The following DLG2 variants were observed in gnomAD, a reference collection of about 807,000 sequenced individuals.
The protein encoded by DLG2 is discs large MAGUK scaffold protein 2, also known as disks large homolog 2.
DLG2 carries 45 observed loss-of-function variants against 132.5 expected under a neutral mutation model. That is an observed-to-expected ratio of 0.34 (90% CI 0.27 to 0.44). The LOEUF is 0.44. Ranked by LOEUF, DLG2 falls within the 20% of genes least tolerant of loss-of-function variation. The probability of loss-of-function intolerance (pLI) is 1.00; values close to 1 mark genes in which losing one functional copy is unlikely to be tolerated. For missense variants in DLG2, 1,045 were observed against 1,196.9 expected (o/e 0.87, Z 1.87); for synonymous variants, 424 against 419.6 (o/e 1.01, Z -0.13).
intron 19 of DLG2, among the ~76,000 whole-genome samples, chr11:83,554,267 C>T (rs140368095): frequency 4.6e-5 from 7 of 152,284 alleles, no homozygotes; most frequent in African/African-American, 1.7e-4. Context: ...TACATCCACT[C>T]ATTAATTTAC....
intron 6 of DLG2, among the ~76,000 whole-genome samples, chr11:84,995,659 G>C (rs1177458302): frequency 6.6e-6 from 1 of 152,034 alleles, no homozygotes; most frequent in Non-Finnish European, 1.5e-5. Context: ...ACATTTGAGA[G>C]ATTGTCTTAT....
intron 21 of DLG2, chr11:83,486,248 G>GTAAC: frequency 1.0e-5 from 7 of 683,488 alleles, no homozygotes; most frequent in Non-Finnish European, 1.6e-5. Context: ...TTAAACTCCA[G>GTAAC]TAACTGAAAA....
chr11:84,936,617 A>G lies in DLG2; in HGVS notation c.357+175044T>C, dbSNP rs2048778923. On this transcript the variant is annotated intron_variant, in intron 6 of 27. Transcript: ENST00000376104. ...ACACATGTACAATAAAAAAATCTAA[A>G]TATCAAAATACTGGCAGTAGTTATC... is the stretch of plus-strand genomic sequence containing the variant. 3 of 152,170 alleles carry G rather than the reference A, an allele frequency of 2.0e-5. No homozygotes were observed. The South Asian group carries it at 6.2e-4, about 31-fold the overall frequency. 9.4% of individuals were successfully genotyped at this position (152,170 alleles called of 1,614,324 possible). A position where few individuals can be genotyped will look rare whatever the true frequency, so the allele number is the denominator to read the frequency against.
intron 3 of DLG2, among the ~76,000 whole-genome samples, chr11:85,341,320 C>G (rs2082485075): frequency 6.6e-6 from 1 of 152,154 alleles, no homozygotes; most frequent in African/African-American, 2.4e-5. Context: ...CAGGGTTTCA[C>G]CGTGTTAGCC....
At chr11:85,348,584 T>C (rs1042927562) in intron 3 of DLG2, among the ~76,000 whole-genome samples, 2 of 152,136 alleles carry the variant, frequency 1.3e-5, no homozygotes, top group Non-Finnish European at 2.9e-5. Flanking sequence ...CCAACCGGCA[T>C]TTTAAATTCA....
chr11:83,738,885 TTA>T (rs1278780708), intron 18 of DLG2, among the ~76,000 whole-genome samples: 2 of 152,186 alleles, frequency 1.3e-5, no homozygotes, highest in Non-Finnish European at 2.9e-5. Flanking sequence ...AGGTGAACTT[TTA>T]ACACACAAAT....
intron 17 of DLG2, among the ~76,000 whole-genome samples, chr11:83,796,295 TA>T (rs1184378773): frequency 2.6e-5 from 4 of 152,216 alleles, no homozygotes; most frequent in Non-Finnish European, 5.9e-5. Flanking sequence ...CTCCAGTGAT[TA>T]AAACAAACAA....
At chr11:84,531,220 A>G (rs921074075) in intron 7 of DLG2, among the ~76,000 whole-genome samples, 1 of 152,360 alleles carries the variant, frequency 6.6e-6, no homozygotes, top group East Asian at 1.9e-4. Flanking sequence ...ATACTAACAC[A>G]GGAACAGAAA....
intron 4 of DLG2, among the ~76,000 whole-genome samples, chr11:85,207,441 T>C (rs985476346): frequency 3.9e-5 from 6 of 152,198 alleles, no homozygotes; most frequent in Non-Finnish European, 1.5e-5. Context: ...ATGCAAAAAC[T>C]ACTCCTTCTA....
At chr11:84,565,507 T>C (rs901533797) in intron 6 of DLG2, among the ~76,000 whole-genome samples, 12 of 152,330 alleles carry the variant, frequency 7.9e-5, no homozygotes, top group African/African-American at 2.9e-4. Flanking sequence ...CAGAGCACTA[T>C]AGATGCCCCT....
At chr11:83,825,072 C>CAT (rs1432552555) in intron 17 of DLG2, among the ~76,000 whole-genome samples, 5 of 144,628 alleles carry the variant, frequency 3.5e-5, no homozygotes, top group East Asian at 4.1e-4. Flanking sequence ...TATATATACA[C>CAT]ATATATATAC....
intron 3 of DLG2, among the ~76,000 whole-genome samples, chr11:85,385,725 G>T (rs894048266): frequency 2.0e-5 from 3 of 152,240 alleles, no homozygotes; most frequent in African/African-American, 7.2e-5. Context: ...CCTCCCCTGA[G>T]GCCAGAAGGG....
At chr11:85,257,057 A>G (rs1187918762) in intron 4 of DLG2, among the ~76,000 whole-genome samples, 1 of 152,230 alleles carries the variant, frequency 6.6e-6, no homozygotes, top group East Asian at 1.9e-4. Flanking sequence ...AAAATGAAAG[A>G]AAGAAAAAGA....
intron 5 of DLG2, among the ~76,000 whole-genome samples, chr11:85,117,880 G>A (rs927218794): frequency 3.9e-5 from 6 of 151,990 alleles, no homozygotes; most frequent in Non-Finnish European, 7.4e-5. Context: ...GGAAAGTTAT[G>A]AGAATACCCG....
At chr11:83,584,830 C>T (rs1026142770) in intron 19 of DLG2, among the ~76,000 whole-genome samples, 1 of 152,106 alleles carries the variant, frequency 6.6e-6, no homozygotes, top group Non-Finnish European at 1.5e-5. Context: ...TTTAGGCAAA[C>T]CCTAAGTTAA....
rs573166237 is a variant in DLG2, at chr11:85,381,225, T to C, written c.41-95860A>G. Reference sequence around the variant, plus strand: ...AAGTATTATTATTAGACTTTCTGGTTTTTCAAGTGAAGCCAGAAATTCAGA... The same window carrying C: ...AAGTATTATTATTAGACTTTCTGGTCTTTCAAGTGAAGCCAGAAATTCAGA... On this transcript the variant is annotated intron_variant, in intron 3 of 27. Transcript: ENST00000376104. Among the ~76,000 whole-genome samples the C allele has an allele frequency of 4.6e-5, 7 of 152,272 alleles. No individual in the cohort carries two copies. The South Asian group carries it at 1.4e-3, about 32-fold the overall frequency.
chr11:83,980,695 T>G, intron 11 of DLG2, 53 bp from the exon 12 acceptor site: 1 of 1,440,862 alleles, frequency 6.9e-7, no homozygotes, highest in Non-Finnish European at 9.2e-7. Flanking sequence ...TGTAGTTGTT[T>G]TTAGAAAATG....
chr11:83,987,651 A>C (rs2093423110), intron 11 of DLG2, among the ~76,000 whole-genome samples: 2 of 152,166 alleles, frequency 1.3e-5, no homozygotes, highest in South Asian at 2.1e-4. Flanking sequence ...CATATGTAGA[A>C]AGCTGAAACT....
chr11:84,616,107 G>T (rs1013252302), intron 6 of DLG2, among the ~76,000 whole-genome samples: 1 of 151,992 alleles, frequency 6.6e-6, no homozygotes, highest in Admixed American at 6.6e-5. Flanking sequence ...GCAAAGGGGG[G>T]TCAGAGAAGG....
Sources: gnomAD v4.1 joint callset for allele counts (sites outside exome capture counted in the v4.1 genomes callset) on GRCh38, gnomAD v4.1.1 for gene constraint, MANE v1.5 for transcripts, NCBI Gene and HGNC (gene_info 2026-07-23, HGNC 2026-07-21) for gene names.